The following CNIH3 variants were observed in gnomAD, a reference collection of about 807,000 sequenced individuals.
CNIH3 encodes protein cornichon homolog 3.
Under a neutral mutation model 24.1 loss-of-function variants are expected in CNIH3, and 14 were observed. That is an observed-to-expected ratio of 0.58 (90% confidence interval 0.38 to 0.91). The LOEUF (loss-of-function observed/expected upper bound fraction) is 0.91, where lower values mean the gene tolerates loss of function less well. Ranked by LOEUF, CNIH3 falls within the 40% of genes least tolerant of loss-of-function variation. CNIH3 has a pLI of 0.00. For missense variants in CNIH3, 178 were observed against 196.8 expected, an observed-to-expected ratio of 0.90 and a Z score of 0.57; for synonymous variants, 68 against 73.8, an observed-to-expected ratio of 0.92 and a Z score of 0.40.
chr1:224,567,194 T>C (rs1461236672), intron 4 of CNIH3, among the ~76,000 whole-genome samples: 1 of 152,250 alleles, frequency 6.6e-6, no homozygotes, highest in Non-Finnish European at 1.5e-5. Context: ...TTATATCCTT[T>C]ACCCACTTTT....
rs374568324 is a variant in CNIH3 at position 224,709,397 on chromosome 1, G to A, written c.199-21065G>A. Among the ~76,000 whole-genome samples the A allele has an allele frequency of 9.1e-4, 138 of 152,282 alleles. 6 individuals carry two copies. In the South Asian group the frequency reaches 0.028, roughly 31 times the overall value. On this transcript the variant is annotated intron_variant, in intron 3 of 5. Transcript: ENST00000272133. Reference sequence around the variant, plus strand: ...ATGTATCACACTTACCCACCTCTCTGAGTTTTGAATCAATTGAGAACAGAC... The same window carrying A: ...ATGTATCACACTTACCCACCTCTCTAAGTTTTGAATCAATTGAGAACAGAC...
In CNIH3 at chr1:224,458,690, G is replaced by A. The variant is rs1439745995; in HGVS notation, n.203+23828G>A. 2.0e-5 allele frequency among the ~76,000 whole-genome samples: 3 copies of A among 152,164 alleles called. No homozygotes were observed. The highest frequency in any genetic ancestry group is 4.4e-5 in the Non-Finnish European group (3 of 68,032). ...TGAGACCTTACCACTTTTCAAGTGT[G>A]TGTTCAGGAACAGCAAACTTTTGTC... On this transcript the variant is annotated intron_variant and non_coding_transcript_variant, in intron 1 of 5. Coordinates refer to the CNIH3 transcript ENST00000471578. This position sits in a 1 kb window ranked among gnomAD's most constrained non-coding sequence, Gnocchi z 4.3.
chr1:224,617,111 C>T lies in CNIH3; in HGVS notation c.-64C>T. ...GGCTCCTTGGAGGGAGTGCGGTCCT[C>T]TAGGGAGGCATCGGGCTCCTAGGGG... On this transcript the variant is annotated 5_prime_UTR_variant, in exon 1 of 6. Coordinates refer to ENST00000272133, the MANE Select transcript of CNIH3 (RefSeq NM_152495.2). 1 of 1,598,102 alleles carries T rather than the reference C, an allele frequency of 6.3e-7. No homozygotes were observed. Among genetic ancestry groups the T allele is most frequent in the South Asian group, 1.1e-5 (1 of 87,904 alleles).
rs569276678 is a variant in CNIH3, at chr1:224,439,085, G to A, written n.203+4223G>A. On this transcript the variant is annotated intron_variant and non_coding_transcript_variant, in intron 1 of 5. Transcript: ENST00000471578. ...GCTCTGGGCAGACGACTCTGAACAC[G>A]GCTTCATATTGGCCTTCCATGAGTG... Among the ~76,000 whole-genome samples, 471 of 152,212 alleles carry A rather than the reference G, an allele frequency of 3.1e-3. 1 individual carries two copies. Among genetic ancestry groups the A allele is most frequent in the African/African-American group, 0.011 (436 of 41,524 alleles).
At chr1:224,690,572 A>G (rs1224055320) in intron 3 of CNIH3, among the ~76,000 whole-genome samples, 1 of 152,154 alleles carries the variant, frequency 6.6e-6, no homozygotes, top group Non-Finnish European at 1.5e-5. Context: ...AATGTTGGGG[A>G]CATTTAGTTG....
chr1:224,475,942 A>C lies in CNIH3; in HGVS notation n.204-39799A>C, dbSNP rs191022582. ...CAGGGATGCAAGGATGTTTCAACAT[A>C]TGCAAATCAGTCAGTGTGATACATC... On this transcript the variant is annotated intron_variant and non_coding_transcript_variant, in intron 1 of 5. Transcript: ENST00000471578. Among the ~76,000 whole-genome samples the C allele has an allele frequency of 2.0e-5, 3 of 152,386 alleles. No individual in the cohort carries two copies. The East Asian group carries it at 5.8e-4, about 29-fold the overall frequency.
At chr1:224,559,051 G>A (rs1680258409) in intron 3 of CNIH3, among the ~76,000 whole-genome samples, 1 of 152,202 alleles carries the variant, frequency 6.6e-6, no homozygotes, top group African/African-American at 2.4e-5. Context: ...GGTACCTAAA[G>A]TACGTTGGTA....
At chr1:224,502,665 C>T (rs548668035) in intron 1 of CNIH3, among the ~76,000 whole-genome samples, 4 of 151,016 alleles carry the variant, frequency 2.6e-5, no homozygotes, top group African/African-American at 9.7e-5. Flanking sequence ...GAGCAACCCC[C>T]CTGCTTACAT....
intron 4 of CNIH3, among the ~76,000 whole-genome samples, chr1:224,578,118 G>A (rs931197551): frequency 6.6e-6 from 1 of 151,828 alleles, no homozygotes; most frequent in African/African-American, 2.4e-5. Flanking sequence ...CACTACTAAA[G>A]AACTTTTCCA....
At chr1:224,590,816 C>T (rs1015705269), downstream of CNIH3, among the ~76,000 whole-genome samples, 22 of 147,800 alleles carry the variant, frequency 1.5e-4, 1 homozygote, top group African/African-American at 3.7e-4. Context: ...GCCCCGCCCC[C>T]GCAACCCACC....
intron 1 of CNIH3, among the ~76,000 whole-genome samples, chr1:224,676,361 G>C (rs58973007): frequency 6.6e-6 from 1 of 152,006 alleles, no homozygotes; most frequent in Non-Finnish European, 1.5e-5. Context: ...GAGACATGGC[G>C]GGGGGGTGTT....
At chr1:224,652,847 C>T (rs908076981) in intron 1 of CNIH3, among the ~76,000 whole-genome samples, 5 of 152,158 alleles carry the variant, frequency 3.3e-5, no homozygotes, top group African/African-American at 4.8e-5. Flanking sequence ...GCGCAGCACA[C>T]GTGGGCTTCT....
rs1675779089 is a variant in CNIH3 at position 224,458,614 on chromosome 1, C to G, written n.203+23752C>G. Reference sequence around the variant, plus strand: ...TGTTGAACAGACCTCCTACCACTTTCCTACTACTCCCCCTAATGATAACAT... The same window carrying G: ...TGTTGAACAGACCTCCTACCACTTTGCTACTACTCCCCCTAATGATAACAT... On this transcript the variant is annotated intron_variant and non_coding_transcript_variant, in intron 1 of 5. Coordinates refer to the CNIH3 transcript ENST00000471578. The surrounding 1 kb of genome is among the most constrained non-coding windows in gnomAD (Gnocchi z 4.3). Among the ~76,000 whole-genome samples the G allele has an allele frequency of 2.0e-5, 3 of 152,188 alleles. No homozygotes were observed. The highest frequency in any genetic ancestry group is 2.0e-4 in the Admixed American group (3 of 15,286).
At chr1:224,590,750 G>T (rs1193363012), downstream of CNIH3, among the ~76,000 whole-genome samples, 2 of 152,056 alleles carry the variant, frequency 1.3e-5, no homozygotes, top group Non-Finnish European at 2.9e-5. Context: ...TGCTTTTTGG[G>T]GGACACATTC....
At chr1:224,502,973 G>A (rs1210564613) in intron 1 of CNIH3, among the ~76,000 whole-genome samples, 1 of 150,930 alleles carries the variant, frequency 6.6e-6, no homozygotes, top group Admixed American at 6.6e-5. Context: ...GAGGGAGGAG[G>A]AGGAGGGAAG....
intron 1 of CNIH3, among the ~76,000 whole-genome samples, chr1:224,637,697 A>G (rs1196671976): frequency 6.6e-6 from 1 of 152,164 alleles, no homozygotes; most frequent in Non-Finnish European, 1.5e-5. Context: ...CCAAGTGGCC[A>G]GTTGCGGTCT....
intron 1 of CNIH3, among the ~76,000 whole-genome samples, chr1:224,625,271 C>T (rs1053277001): frequency 8.5e-5 from 13 of 152,250 alleles, no homozygotes; most frequent in Middle Eastern, 3.4e-3. Flanking sequence ...CATTTTTGTC[C>T]GGGCGTGGTG....
chr1:224,506,287 G>GCGCGCGCGCGCGCGCA (rs372343004), intron 1 of CNIH3, among the ~76,000 whole-genome samples: 2 of 147,324 alleles, frequency 1.4e-5, no homozygotes, highest in African/African-American at 5.0e-5. Flanking sequence ...GCGCGCGCGC[G>GCGCGCGCGCGCGCGCA]CACACACACA....
intron 1 of CNIH3, among the ~76,000 whole-genome samples, chr1:224,473,628 A>G (rs1355587262): frequency 6.6e-6 from 1 of 152,224 alleles, no homozygotes; most frequent in Non-Finnish European, 1.5e-5. Flanking sequence ...TGCATCCAAC[A>G]TGAGAGCACA....
Sources: allele counts gnomAD v4.1 joint callset (sites outside exome capture counted in the v4.1 genomes callset), GRCh38; gene constraint gnomAD v4.1.1; non-coding constraint Gnocchi (gnomAD v3.1); transcripts MANE v1.5; gene names NCBI Gene and HGNC (gene_info 2026-07-23, HGNC 2026-07-21).